Variants in C2orf74 observed in about 807,000 individuals in gnomAD.
C2orf74 encodes the protein DPM1 ER membrane anchor 1, also known as uncharacterized protein C2orf74.
In C2orf74, 14 loss-of-function variants were observed where a neutral mutation model predicts 17.9. The ratio of observed to expected loss-of-function variants is 0.78; its 90% CI spans 0.52 to 1.22. C2orf74 has a LOEUF of 1.22. Ranked by LOEUF, C2orf74 falls within the 50% of genes most tolerant of loss-of-function variation. The pLI, the probability that C2orf74 is intolerant of heterozygous loss-of-function variation, is 0.00. For missense variants in C2orf74, 217 were observed against 218.4 expected (o/e 0.99, Z 0.04); for synonymous variants, 79 against 72.6 (o/e 1.09, Z -0.44).
At chr2:61,146,810 G>T (rs960363917) in intron 1 of C2orf74, among the ~76,000 whole-genome samples, 13 of 151,470 alleles carry the variant, frequency 8.6e-5, no homozygotes, top group African/African-American at 3.2e-4. Flanking sequence ...CTGCACTCCA[G>T]CCTGGCGACA....
chr2:61,160,301 C>T (rs553660543), upstream of C2orf74, among the ~76,000 whole-genome samples: 4 of 152,186 alleles, frequency 2.6e-5, no homozygotes, highest in Non-Finnish European at 5.9e-5. Context: ...GCTGGGATTA[C>T]GGGCACCTGC....
chr2:61,156,326 C>G (rs1685390481), intron 1 of C2orf74, among the ~76,000 whole-genome samples: 1 of 151,684 alleles, frequency 6.6e-6, no homozygotes, highest in Admixed American at 6.6e-5. Flanking sequence ...TCACTTGAGC[C>G]CAGGAGTTCA....
intron 1 of C2orf74, among the ~76,000 whole-genome samples, chr2:61,149,834 C>T (rs1685175959): frequency 6.6e-6 from 1 of 152,088 alleles, no homozygotes; most frequent in African/African-American, 2.4e-5. Context: ...CTGCCTTGGC[C>T]TCCCAAAGTG....
Position 61,163,133 on chromosome 2 carries a change from C to T in C2orf74, c.291C>T (p.Ala97=). Reference sequence around the variant, plus strand: ...AGAGACAGAGTAAGGAAGTGTTGGCCACACCCTTAGAAAACAGAAGGGACA... The same window carrying T: ...AGAGACAGAGTAAGGAAGTGTTGGCTACACCCTTAGAAAACAGAAGGGACA... ...LVQRQSKEVL[A]TPLENRRDME... The change falls in exon 4 of 5, where the codon GCC becomes GCT. Residue 97 remains alanine, a synonymous_variant. Transcript: ENST00000432605. 1.9e-6 allele frequency: 3 copies of T among 1,552,138 alleles called. No homozygotes were observed. Among genetic ancestry groups the T allele is most frequent in the Middle Eastern group, 3.3e-4 (2 of 5,996 alleles).
intron 1 of C2orf74, among the ~76,000 whole-genome samples, chr2:61,152,402 G>A (rs1000893510): frequency 2.0e-5 from 3 of 151,840 alleles, no homozygotes; most frequent in Non-Finnish European, 2.9e-5. Context: ...TTAGCCAGGC[G>A]TGGTGGTGGG....
intron 1 of C2orf74, among the ~76,000 whole-genome samples, chr2:61,155,886 G>C (rs980703529): frequency 2.6e-5 from 4 of 151,806 alleles, no homozygotes; most frequent in Non-Finnish European, 4.4e-5. Context: ...TAAAGGTTAA[G>C]AGGAGACAGA....
At chr2:61,145,421 TTTTA>T (rs905532824) in intron 1 of C2orf74, among the ~76,000 whole-genome samples, 8 of 152,120 alleles carry the variant, frequency 5.3e-5, no homozygotes, top group East Asian at 1.9e-4. Flanking sequence ...TTTTTGTGTT[TTTTA>T]TTTATTTATT....
At chr2:61,155,710 T>C (rs1353170352) in intron 1 of C2orf74, among the ~76,000 whole-genome samples, 1 of 151,926 alleles carries the variant, frequency 6.6e-6, no homozygotes, top group Admixed American at 6.6e-5. Context: ...TTAGTAGAGA[T>C]GGGGTTTCAC....
intron 1 of C2orf74, among the ~76,000 whole-genome samples, chr2:61,156,317 C>G (rs1317934850): frequency 6.6e-6 from 1 of 150,806 alleles, no homozygotes; most frequent in Non-Finnish European, 1.5e-5. Flanking sequence ...GCAGGCGGAT[C>G]ACTTGAGCCC....
In C2orf74 at chr2:61,162,439, G is replaced by A; in HGVS notation, c.-76G>A. 1 of 1,060,236 alleles carries A rather than the reference G, an allele frequency of 9.4e-7. No individual in the cohort carries two copies. The highest frequency in any genetic ancestry group is 1.4e-6 in the Non-Finnish European group (1 of 720,334). 65.7% of individuals were successfully genotyped at this position (1,060,236 alleles called of 1,614,324 possible). A position where few individuals can be genotyped will look rare whatever the true frequency, so the allele number is the denominator to read the frequency against. On this transcript the variant is annotated 5_prime_UTR_variant, in exon 2 of 5. Coordinates refer to ENST00000432605, the MANE Select transcript of C2orf74 (RefSeq NM_001143959.4). ...AGAAAACTTAAAGAACAAGAGAACT[G>A]CATTCAAATTGAGCTGGAAAAGAAT...
chr2:61,163,273 G>A, intron 4 of C2orf74, 41 bp downstream of exon 4: 2 of 1,529,998 alleles, frequency 1.3e-6, no homozygotes, highest in Non-Finnish European at 1.8e-6. Flanking sequence ...TTTAGAATTT[G>A]TTTGATTGAA....
At chr2:61,158,164 G>A (rs1685452200), upstream of C2orf74, among the ~76,000 whole-genome samples, 1 of 152,156 alleles carries the variant, frequency 6.6e-6, no homozygotes, top group South Asian at 2.1e-4. Context: ...ATTCTACCCA[G>A]ACTGTCTTAC....
At chr2:61,154,500 T>A (rs997923285) in intron 1 of C2orf74, among the ~76,000 whole-genome samples, 17 of 152,306 alleles carry the variant, frequency 1.1e-4, no homozygotes, top group African/African-American at 3.4e-4. Context: ...TAATAATAAT[T>A]TATCAGTATT....
At chr2:61,159,581 C>T (rs1313605864), upstream of C2orf74, 1 of 162,736 alleles carries the variant, frequency 6.1e-6, no homozygotes, top group Non-Finnish European at 1.3e-5. Context: ...CAGGCATGAG[C>T]CGCCACACCA....
Position 61,162,852 on chromosome 2 carries a change from A to T in C2orf74, c.106A>T (p.Arg36Trp), listed in dbSNP as rs1193499566. ...CTTGTTTGTTTTCAGTTTCCAAGGC[A>T]GGAAAGGTAAAGAGACAAAGAAAGT... ...VVFLYKCFQG[R>W]KGKETKKVPC... Residue 36 changes from arginine to tryptophan, a missense_variant, in exon 3 of 5, where the codon AGG becomes TGG. Coordinates refer to ENST00000432605, the MANE Select transcript of C2orf74 (RefSeq NM_001143959.4). The T allele has an allele frequency of 2.6e-6, 4 of 1,551,920 alleles. No homozygotes were observed. Among genetic ancestry groups the T allele is most frequent in the Non-Finnish European group, 3.5e-6 (4 of 1,146,906 alleles).
intron 1 of C2orf74, among the ~76,000 whole-genome samples, chr2:61,146,955 A>G (rs1685089377): frequency 6.6e-6 from 1 of 152,140 alleles, no homozygotes; most frequent in Admixed American, 6.6e-5. Flanking sequence ...TTTTGAGACC[A>G]ACCTGGGCAG....
intron 1 of C2orf74, among the ~76,000 whole-genome samples, chr2:61,153,581 C>T (rs187924242): frequency 2.6e-4 from 38 of 147,292 alleles, no homozygotes; most frequent in African/African-American, 9.3e-4. Flanking sequence ...CGCGCCTGGC[C>T]AAAGGTGTGA....
intron 1 of C2orf74, among the ~76,000 whole-genome samples, chr2:61,145,378 C>G (rs1038761522): frequency 1.3e-5 from 2 of 152,086 alleles, no homozygotes; most frequent in Admixed American, 1.3e-4. Context: ...TAAAAATAGA[C>G]TTTAAATATA....
At chr2:61,158,014 T>TA, upstream of C2orf74, 1 of 470,992 alleles carries the variant, frequency 2.1e-6, no homozygotes, top group Non-Finnish European at 4.4e-6. Flanking sequence ...AGGCAGGAGG[T>TA]AGGCAGTAGG....
Sources: gnomAD v4.1 joint callset for allele counts (sites outside exome capture counted in the v4.1 genomes callset) on GRCh38, gnomAD v4.1.1 for gene constraint, MANE v1.5 for transcripts, NCBI Gene and HGNC (gene_info 2026-07-23, HGNC 2026-07-21) for gene names.